FRMD4A: variants seen among roughly 807,000 people sequenced by gnomAD.
FRMD4A encodes the protein FERM domain containing 4A.
In FRMD4A, 29 loss-of-function variants were observed where a neutral mutation model predicts 129.1. The ratio of observed to expected loss-of-function variants is 0.22; its 90% CI spans 0.17 to 0.31. FRMD4A has a LOEUF of 0.31. FRMD4A is among the 10% of genes least tolerant of loss of function. The probability of loss-of-function intolerance (pLI) is 1.00; values close to 1 mark genes in which losing one functional copy is unlikely to be tolerated. For synonymous variants in FRMD4A, 634 were observed against 571.6 expected (o/e 1.11, Z -1.56); for missense variants, 1,272 against 1,375.8 (o/e 0.92, Z 1.19).
chr10:13,872,541 A>G (rs1564949317), intron 2 of FRMD4A, among the ~76,000 whole-genome samples: 8 of 152,274 alleles, frequency 5.3e-5, no homozygotes, highest in Admixed American at 5.2e-4. Flanking sequence ...GTTCTTACGC[A>G]TGCACGTAAT....
At chr10:13,719,496 C>G (rs996299779) in intron 12 of FRMD4A, among the ~76,000 whole-genome samples, 2 of 152,066 alleles carry the variant, frequency 1.3e-5, no homozygotes, top group Non-Finnish European at 2.9e-5. Flanking sequence ...CCCTTGAGCC[C>G]TACTTGCAGG....
Position 13,751,628 on chromosome 10 carries a change from A to T in FRMD4A, c.465-3809T>A, listed in dbSNP as rs567234269. On this transcript the variant is annotated intron_variant, in intron 8 of 24. Coordinates refer to ENST00000357447, the MANE Select transcript of FRMD4A (RefSeq NM_018027.5). ...CTCCCTCAATGTCTTCCACTTCGAC[A>T]TTTTCCCCAGAGTTCATGACATATG... 3.2e-4 allele frequency among the ~76,000 whole-genome samples: 48 copies of T among 152,268 alleles called. 1 individual carries two copies. Among genetic ancestry groups the T allele is most frequent in the Non-Finnish European group, 6.6e-4 (45 of 68,020 alleles).
intron 3 of FRMD4A, among the ~76,000 whole-genome samples, chr10:13,854,632 A>T (rs1268209611): frequency 7.0e-6 from 1 of 143,820 alleles, no homozygotes; most frequent in Non-Finnish European, 1.5e-5. Flanking sequence ...GGGTTTCACC[A>T]TGTTGGCCAG....
chr10:13,909,824 A>G (rs2094923177), intron 2 of FRMD4A, among the ~76,000 whole-genome samples: 1 of 152,236 alleles, frequency 6.6e-6, no homozygotes, highest in Admixed American at 6.5e-5. Flanking sequence ...GTTCTTTAAG[A>G]TCTGCTTCAG....
At chr10:13,658,137 A>ATT (rs2082332504) in intron 21 of FRMD4A, among the ~76,000 whole-genome samples, 1 of 148,916 alleles carries the variant, frequency 6.7e-6, no homozygotes, top group African/African-American at 2.5e-5. Flanking sequence ...TCTCTTAAAA[A>ATT]AAAAAAAAAA....
chr10:14,229,265 A>G (rs536102285), intron 2 of FRMD4A, among the ~76,000 whole-genome samples: 1 of 152,244 alleles, frequency 6.6e-6, no homozygotes, highest in South Asian at 2.1e-4. Context: ...TAATAAAATA[A>G]AGCATTGACC....
chr10:14,138,537 G>C (rs1839663296), intron 2 of FRMD4A, among the ~76,000 whole-genome samples: 1 of 152,012 alleles, frequency 6.6e-6, no homozygotes, highest in African/African-American at 2.4e-5. Context: ...GATGAGGGCA[G>C]ATCATGAGGT....
rs115818711 is a variant in FRMD4A at position 13,725,021 on chromosome 10, C to T, written c.759+12823G>A. On this transcript the variant is annotated intron_variant, in intron 12 of 24. Coordinates refer to ENST00000357447, the MANE Select transcript of FRMD4A (RefSeq NM_018027.5). ...ACTTAGAAACTGGCATTTTCCCCTCCTACCACTTTCTTCTGGAAAACTGTT... is the reference window on the plus strand; with the variant it reads ...ACTTAGAAACTGGCATTTTCCCCTCTTACCACTTTCTTCTGGAAAACTGTT... Among the ~76,000 whole-genome samples, 756 of 152,326 alleles carry T rather than the reference C, an allele frequency of 5.0e-3. 5 individuals are homozygous for T. Among genetic ancestry groups the T allele is most frequent in the African/African-American group, 0.016 (678 of 41,574 alleles).
chr10:13,925,883 CTT>C (rs150868660), intron 2 of FRMD4A, among the ~76,000 whole-genome samples: 86,482 of 135,236 alleles, frequency 0.64, 27,716 homozygotes, highest in East Asian at 0.96. Flanking sequence ...GCACCTGGCT[CTT>C]TTTTTTTTTT....
At chr10:13,949,353 G>A (rs1458135651) in intron 2 of FRMD4A, among the ~76,000 whole-genome samples, 1 of 149,122 alleles carries the variant, frequency 6.7e-6, no homozygotes, top group Admixed American at 6.7e-5. Flanking sequence ...GTAATGAGAA[G>A]TTTTCTACTT....
chr10:13,856,841 C>T (rs1207581697), intron 3 of FRMD4A, among the ~76,000 whole-genome samples: 1 of 152,116 alleles, frequency 6.6e-6, no homozygotes, highest in Admixed American at 6.5e-5. Context: ...TTCTAAACTG[C>T]CATTTGAGGT....
intron 2 of FRMD4A, among the ~76,000 whole-genome samples, chr10:13,976,101 A>T (rs1329289013): frequency 1.3e-5 from 2 of 152,164 alleles, no homozygotes; most frequent in Non-Finnish European, 2.9e-5. Context: ...AGGAGCAGTC[A>T]CTGTCTCACT....
chr10:13,892,382 A>C (rs2131167639), intron 2 of FRMD4A, among the ~76,000 whole-genome samples: 1 of 152,240 alleles, frequency 6.6e-6, no homozygotes, highest in Admixed American at 6.5e-5. Flanking sequence ...GCATGTGGCT[A>C]TTGTCAAGGC....
chr10:13,933,790 G>C (rs974161178), intron 2 of FRMD4A, among the ~76,000 whole-genome samples: 1 of 152,176 alleles, frequency 6.6e-6, no homozygotes, highest in Non-Finnish European at 1.5e-5. Flanking sequence ...GACACAGATA[G>C]AAAGGAAGCA....
intron 13 of FRMD4A, among the ~76,000 whole-genome samples, chr10:13,702,784 G>C (rs2134881025): frequency 6.6e-6 from 1 of 152,112 alleles, no homozygotes; most frequent in Admixed American, 6.6e-5. Context: ...TTGGGCGGGG[G>C]TCGGGGGTGC....
intron 2 of FRMD4A, among the ~76,000 whole-genome samples, chr10:14,286,092 T>C (rs1201768133): frequency 1.3e-5 from 2 of 152,224 alleles, no homozygotes; most frequent in African/African-American, 2.4e-5. Flanking sequence ...GATCAGAAAT[T>C]GCCCTTACTT....
At chr10:13,684,673 G>A in intron 15 of FRMD4A, 1 of 985,370 alleles carries the variant, frequency 1.0e-6, no homozygotes, top group East Asian at 1.1e-4. Flanking sequence ...ACGTTGTCAG[G>A]AGCCACGCGT....
At chr10:14,218,994 A>G (rs1843163174) in intron 2 of FRMD4A, among the ~76,000 whole-genome samples, 1 of 115,476 alleles carries the variant, frequency 8.7e-6, no homozygotes, top group Non-Finnish European at 1.8e-5. Flanking sequence ...AAAAAAAAAA[A>G]AGATGTGTTT....
intron 2 of FRMD4A, among the ~76,000 whole-genome samples, chr10:14,292,441 C>T (rs1377401262): frequency 6.6e-6 from 1 of 152,130 alleles, no homozygotes; most frequent in Non-Finnish European, 1.5e-5. Context: ...ATGCAAAAAC[C>T]TTAAATGGCA....
Sources: allele counts gnomAD v4.1 joint callset (sites outside exome capture counted in the v4.1 genomes callset), GRCh38; gene constraint gnomAD v4.1.1; transcripts MANE v1.5; gene names NCBI Gene and HGNC (gene_info 2026-07-23, HGNC 2026-07-21).